The following CDC7 variants were observed in gnomAD, a reference collection of about 807,000 sequenced individuals.
CDC7 encodes cell division cycle 7-related protein kinase.
A neutral mutation model predicts 53.5 loss-of-function variants in CDC7; 34 were observed. The ratio of observed to expected loss-of-function variants is 0.64; its 90% CI spans 0.48 to 0.85. The LOEUF is 0.85. CDC7 is among the 40% of genes least tolerant of loss of function. CDC7 has a pLI of 0.00. For missense variants in CDC7, 594 were observed against 679.7 expected (o/e 0.87, Z 1.40); for synonymous variants, 211 against 222.8 (o/e 0.95, Z 0.47).
intron 1 of CDC7, chr1:91,501,189 C>T (rs1666646171): frequency 6.6e-6 from 1 of 152,546 alleles, no homozygotes; most frequent in African/African-American, 2.4e-5. Flanking sequence ...GATTCCCATT[C>T]ATTCACCCTT....
intron 11 of CDC7, among the ~76,000 whole-genome samples, chr1:91,521,921 C>G (rs749387733): frequency 9.2e-5 from 14 of 151,896 alleles, no homozygotes; most frequent in Admixed American, 2.0e-4. Context: ...AATCCCAGCA[C>G]TTTGAGAGGC....
intron 10 of CDC7, among the ~76,000 whole-genome samples, chr1:91,519,320 T>C (rs1358507687): frequency 7.1e-6 from 1 of 141,594 alleles, no homozygotes; most frequent in Non-Finnish European, 1.5e-5. Flanking sequence ...TCCCAGCTAC[T>C]CAAGAGGCTG....
At chr1:91,523,170 C>T (rs990856268) in intron 11 of CDC7, among the ~76,000 whole-genome samples, 4 of 151,994 alleles carry the variant, frequency 2.6e-5, no homozygotes, top group Admixed American at 6.6e-5. Context: ...AGTACTATTG[C>T]GAGTCTCTGC....
In CDC7 at chr1:91,508,375, C is replaced by A. The variant is rs1667100629; in HGVS notation, c.313C>A (p.Leu105Ile). The change falls in exon 4 of 12, where the codon CTT (leucine) becomes ATT (isoleucine). Residue 105 changes from leucine to isoleucine, a missense_variant. Coordinates refer to ENST00000234626, the MANE Select transcript of CDC7 (RefSeq NM_003503.4). Reference sequence around the variant, plus strand: ...TCATCCTATAAGAATTGCAGCTGAACTTCAGTGCCTAACAGTGGCTGGGTA... The same window carrying A: ...TCATCCTATAAGAATTGCAGCTGAAATTCAGTGCCTAACAGTGGCTGGGTA... ...TSHPIRIAAE[L>I]QCLTVAGGQD... 6.2e-7 allele frequency: 1 copy of A among 1,611,798 alleles called. No individual in the cohort carries two copies. Among genetic ancestry groups the A allele is most frequent in the Non-Finnish European group, 8.5e-7 (1 of 1,178,762 alleles).
rs558122906 is a variant in CDC7, at chr1:91,519,569, A to G, written c.1181-561A>G. Among the ~76,000 whole-genome samples, 7 of 152,322 alleles carry G rather than the reference A, an allele frequency of 4.6e-5. No individual in the cohort carries two copies. In the South Asian group the frequency reaches 1.5e-3, roughly 32 times the overall value. ...TCAAAACATCTTATATACCCCATCA[A>G]TATATACACCTACTGTGTACTCAGA... On this transcript the variant is annotated intron_variant, in intron 10 of 11. Transcript: ENST00000234626.
At chr1:91,517,559 T>C (rs7536200) in intron 10 of CDC7, among the ~76,000 whole-genome samples, 6,819 of 152,200 alleles carry the variant, frequency 0.045, 375 homozygotes, top group East Asian at 0.17. Flanking sequence ...TTTGAGGTAT[T>C]TGTGGGACAT....
chr1:91,521,871 T>TA (rs34177853), intron 11 of CDC7, among the ~76,000 whole-genome samples: 42,897 of 149,568 alleles, frequency 0.29, 6,270 homozygotes, highest in East Asian at 0.48. Flanking sequence ...CTTCTCATAT[T>TA]AAAAAAAAAA....
chr1:91,504,941 T>C (rs1666905576), intron 2 of CDC7, among the ~76,000 whole-genome samples: 1 of 152,082 alleles, frequency 6.6e-6, no homozygotes, highest in Non-Finnish European at 1.5e-5. Context: ...AGTTAGACAA[T>C]AGACAGAGAG....
chr1:91,502,878 A>T (rs1166358596), intron 2 of CDC7, among the ~76,000 whole-genome samples: 1 of 152,138 alleles, frequency 6.6e-6, no homozygotes, highest in African/African-American at 2.4e-5. Flanking sequence ...TGCCACTTTC[A>T]TCCAGTTTCA....
intron 10 of CDC7, among the ~76,000 whole-genome samples, chr1:91,519,818 G>A (rs183959253): frequency 7.9e-5 from 12 of 152,192 alleles, no homozygotes; most frequent in East Asian, 7.7e-4. Context: ...TAAAATGTGC[G>A]TTTACTTAGT....
rs1442214297 is a variant in CDC7 at position 91,513,262 on chromosome 1, C to G, written c.777C>G (p.Pro259=). 3.7e-6 allele frequency: 6 copies of G among 1,613,358 alleles called. No homozygotes were observed. Among genetic ancestry groups the G allele is most frequent in the Non-Finnish European group, 5.1e-6 (6 of 1,179,456 alleles). ...QSTTKASVKR[P]YTNAQIQIKQ... The stretch of plus-strand genomic sequence containing the variant: ...CCACAAAAGCTTCTGTTAAAAGACC[C>G]TACACAAATGCACAAATTCAGATTA... The change falls in exon 7 of 12, where the codon CCC becomes CCG. Residue 259 remains proline (P), a synonymous_variant. Transcript: ENST00000234626.
Position 91,525,734 on chromosome 1 carries a change from A to G in CDC7, c.*1299A>G, listed in dbSNP as rs934022467. On this transcript the variant is annotated 3_prime_UTR_variant, in exon 12 of 12. Coordinates refer to ENST00000234626, the MANE Select transcript of CDC7 (RefSeq NM_003503.4). ...AATTTGAATGCTCTTGAATTTGTAT[A>G]TTCAATAAAGTTATCCTTTTATATT... is the stretch of plus-strand genomic sequence containing the variant. 1 of 152,150 alleles carries G rather than the reference A, an allele frequency of 6.6e-6. No individual in the cohort carries two copies. Among genetic ancestry groups the G allele is most frequent in the Middle Eastern group, 3.4e-3 (1 of 294 alleles). The allele number at this position is 152,150 out of a possible 1,614,324, so 9.4% of individuals were successfully genotyped here.
intron 4 of CDC7, among the ~76,000 whole-genome samples, chr1:91,510,877 T>C (rs1413033455): frequency 1.3e-5 from 2 of 152,232 alleles, no homozygotes; most frequent in Non-Finnish European, 2.9e-5. Context: ...CTAATAACTC[T>C]TCCTTCAAAA....
chr1:91,518,420 A>C (rs1213477177), intron 10 of CDC7, among the ~76,000 whole-genome samples: 15 of 152,208 alleles, frequency 9.9e-5, no homozygotes, highest in Admixed American at 9.8e-4. Flanking sequence ...CAATGTACCG[A>C]AGAGGTATCT....
rs560542898 is a variant in CDC7 at position 91,513,187 on chromosome 1, C to G, written c.702C>G (p.Asn234Lys). 6.2e-7 allele frequency: 1 copy of G among 1,613,690 alleles called. No individual in the cohort carries two copies. The highest frequency in any genetic ancestry group is 1.3e-5 in the African/African-American group (1 of 74,880). The change falls in exon 7 of 12, where the codon AAC becomes AAG. Residue 234 changes from asparagine (N) to lysine (K), a missense_variant. Asn to Lys is a moderately conservative substitution (Grantham distance 94). Transcript: ENST00000234626. ...SQNKSHIITG[N>K]KIPLSGPVPK... ...ACAAATCCCACATAATCACAGGAAA[C>G]AAGATTCCACTGAGTGGCCCAGTAC...
At position 91,514,808 on chromosome 1, in the gene CDC7, T is replaced by C; in HGVS notation, c.919-11T>C. 1.9e-6 allele frequency: 3 copies of C among 1,550,246 alleles called. No individual in the cohort carries two copies. Among genetic ancestry groups the C allele is most frequent in the Non-Finnish European group, 1.7e-6 (2 of 1,149,144 alleles). ...TCATGAAAATAGAAAAATGAGACTTTTCTTTTACAGCTCATGAAGCAGTCA... is the reference window on the plus strand; with the variant it reads ...TCATGAAAATAGAAAAATGAGACTTCTCTTTTACAGCTCATGAAGCAGTCA... On this transcript the variant is annotated splice_polypyrimidine_tract_variant and intron_variant, in intron 8 of 11. Transcript: ENST00000234626.
At position 91,501,648 on chromosome 1, in the gene CDC7, TC is replaced by T; in HGVS notation, c.-63-5del. ...CTAAATTTCTCTAGTGTTCTAATTT[TC>T]ACAGCTGCTTTGCTCCCCCTGTGGA... On this transcript the variant is annotated splice_region_variant and splice_polypyrimidine_tract_variant and intron_variant, in intron 1 of 11. Transcript: ENST00000234626. The T allele has an allele frequency of 9.1e-7, 1 of 1,104,906 alleles. No homozygotes were observed. The highest frequency in any genetic ancestry group is 1.4e-6 in the Non-Finnish European group (1 of 730,210). 68.4% of individuals were successfully genotyped at this position (1,104,906 alleles called of 1,614,324 possible).
intron 7 of CDC7, 99 bp downstream of exon 7, chr1:91,513,406 T>TAA (rs13447511): frequency 0.42 from 443,897 of 1,059,786 alleles, 103,016 homozygotes; most frequent in Non-Finnish European, 0.47. Context: ...ACTTATAATT[T>TAA]AAAAAACTTT....
intron 2 of CDC7, among the ~76,000 whole-genome samples, chr1:91,504,982 A>G (rs1666907883): frequency 6.6e-6 from 1 of 152,234 alleles, no homozygotes; most frequent in Non-Finnish European, 1.5e-5. Flanking sequence ...TGTGCTCAAA[A>G]GTGATTAATG....
Sources: allele counts gnomAD v4.1 joint callset (sites outside exome capture counted in the v4.1 genomes callset), GRCh38; gene constraint gnomAD v4.1.1; transcripts MANE v1.5; gene names NCBI Gene and HGNC (gene_info 2026-07-23, HGNC 2026-07-21).